The following NSMAF variants were observed in gnomAD, a reference collection of about 807,000 sequenced individuals.
NSMAF encodes the protein protein FAN.
In NSMAF, 90 loss-of-function variants were observed where a neutral mutation model predicts 134.9. The ratio of observed to expected loss-of-function variants is 0.67; its 90% CI spans 0.56 to 0.79. NSMAF has a LOEUF of 0.79. Ranked by LOEUF, NSMAF falls within the 30% of genes least tolerant of loss-of-function variation. The pLI is 0.00. For missense variants in NSMAF, 1,010 were observed against 1,119.0 expected (o/e 0.90, Z 1.39); for synonymous variants, 358 against 389.6 (o/e 0.92, Z 0.96).
At chr8:58,620,080 T>C (rs1046101489) in intron 9 of NSMAF, among the ~76,000 whole-genome samples, 31 of 152,096 alleles carry the variant, frequency 2.0e-4, no homozygotes, top group African/African-American at 7.5e-4. Flanking sequence ...AATACAGAAA[T>C]GTCATCTTTG....
intron 7 of NSMAF, 30 bp from the exon 8 acceptor site, chr8:58,623,454 T>G (rs1806839274): frequency 1.2e-6 from 2 of 1,603,316 alleles, no homozygotes; most frequent in Non-Finnish European, 8.5e-7. Flanking sequence ...CATGAATTTA[T>G]TTTTTCTCTC....
chr8:58,655,764 G>A (rs993257926), intron 1 of NSMAF, among the ~76,000 whole-genome samples: 1 of 151,666 alleles, frequency 6.6e-6, no homozygotes, highest in African/African-American at 2.4e-5. Flanking sequence ...AAAATTAGCC[G>A]GGCGCTGTGG....
intron 9 of NSMAF, among the ~76,000 whole-genome samples, chr8:58,621,184 G>A (rs1008053629): frequency 2.6e-5 from 4 of 152,088 alleles, no homozygotes; most frequent in African/African-American, 9.7e-5. Flanking sequence ...CTACTTATAA[G>A]TGAGAACATG....
At chr8:58,598,490 CAAAAAAAAAAA>C (rs71250204) in intron 19 of NSMAF, among the ~76,000 whole-genome samples, 8 of 125,952 alleles carry the variant, frequency 6.4e-5, no homozygotes, top group Non-Finnish European at 1.0e-4. Flanking sequence ...CTGTCTCAAA[CAAAAAAAAAAA>C]AAAAAAAAAA....
In NSMAF at chr8:58,597,396, C is replaced by T. The variant is rs148862871; in HGVS notation, c.1783G>A (p.Asp595Asn). ...QTSSYNASMA[D>N]SPGEESFEDL... ...TCTTTACAAAATTTACCTGGGGAAT[C>T]TGCCATAGAAGCATTATAACTGGAG... Residue 595 changes from aspartate (D) to asparagine (N), a missense_variant, in exon 21 of 31, where the codon GAT (aspartate) becomes AAT (asparagine). Coordinates refer to ENST00000038176, the MANE Select transcript of NSMAF (RefSeq NM_003580.4). 27 of 1,612,988 alleles carry T rather than the reference C, an allele frequency of 1.7e-5. No homozygotes were observed. The highest frequency in any genetic ancestry group is 2.0e-5 in the Non-Finnish European group (24 of 1,179,680).
intron 1 of NSMAF, among the ~76,000 whole-genome samples, chr8:58,657,049 T>G (rs886577963): frequency 1.3e-5 from 2 of 152,156 alleles, no homozygotes; most frequent in African/African-American, 4.8e-5. Flanking sequence ...GAATTCTTCC[T>G]TTATCACCTC....
At chr8:58,629,992 C>T (rs1445592464) in intron 6 of NSMAF, among the ~76,000 whole-genome samples, 1 of 152,166 alleles carries the variant, frequency 6.6e-6, no homozygotes, top group Non-Finnish European at 1.5e-5. Flanking sequence ...GTCCCTTGGG[C>T]AGCTCCCCTG....
rs1354918254 is a variant in NSMAF, at chr8:58,635,521, A to G, written c.175T>C (p.Cys59Arg). The change falls in exon 3 of 31, where the codon TGT becomes CGT. Residue 59 changes from cysteine (C) to arginine (R), a missense_variant. Physicochemically the swap from Cys to Arg is radical, Grantham distance 180 (BLOSUM62 -3). Coordinates refer to ENST00000038176, the MANE Select transcript of NSMAF (RefSeq NM_003580.4). Reference sequence around the variant, plus strand: ...GGTTCAAAAATCACCGATTTTGAACATATTTTTAAGGAGCCTCTGATTTTC... The same window carrying G: ...GGTTCAAAAATCACCGATTTTGAACGTATTTTTAAGGAGCCTCTGATTTTC... ...ERKIRGSLKI[C>R]SKSVIFEPDS... is the part of the protein sequence containing the mutation. The G allele has an allele frequency of 1.2e-6, 2 of 1,604,980 alleles. No homozygotes were observed. Among genetic ancestry groups the G allele is most frequent in the Admixed American group, 1.7e-5 (1 of 57,934 alleles).
chr8:58,635,930 A>G lies in NSMAF; in HGVS notation c.150-384T>C, dbSNP rs76262616. On this transcript the variant is annotated intron_variant, in intron 2 of 30. Coordinates refer to ENST00000038176, the MANE Select transcript of NSMAF (RefSeq NM_003580.4). ...TAACACTGCCTGTTCTTTTGTGAGC[A>G]GTAAATATTTACTTTGGCTTTCTAT... 6.3e-3 allele frequency among the ~76,000 whole-genome samples: 962 copies of G among 152,304 alleles called. 78 individuals are homozygous for G. The East Asian group carries it at 0.15, about 24-fold the overall frequency.
At chr8:58,584,584 C>G (rs1805843308) in intron 30 of NSMAF, among the ~76,000 whole-genome samples, 1 of 152,106 alleles carries the variant, frequency 6.6e-6, no homozygotes, top group African/African-American at 2.4e-5. Flanking sequence ...TCCTTTTCCA[C>G]TGGAAGGGGT....
At chr8:58,652,562 T>A (rs1807610154) in intron 1 of NSMAF, among the ~76,000 whole-genome samples, 1 of 152,178 alleles carries the variant, frequency 6.6e-6, no homozygotes, top group Non-Finnish European at 1.5e-5. Flanking sequence ...CCTACTGTAC[T>A]CTGGCCCCTG....
intron 9 of NSMAF, among the ~76,000 whole-genome samples, chr8:58,620,635 C>T (rs1481084300): frequency 6.6e-6 from 1 of 152,002 alleles, no homozygotes; most frequent in Non-Finnish European, 1.5e-5. Flanking sequence ...GTATAGTAAC[C>T]TTTGATATTG....
intron 1 of NSMAF, among the ~76,000 whole-genome samples, chr8:58,645,951 G>A (rs1370757456): frequency 6.6e-6 from 1 of 152,178 alleles, no homozygotes; most frequent in Non-Finnish European, 1.5e-5. Flanking sequence ...TGAGGCAGGA[G>A]AATTGCTTGA....
At chr8:58,626,743 T>C (rs751286648) in intron 6 of NSMAF, among the ~76,000 whole-genome samples, 2 of 152,238 alleles carry the variant, frequency 1.3e-5, no homozygotes, top group Non-Finnish European at 2.9e-5. Context: ...GATTGCTGGA[T>C]TGAAAGGTAG....
chr8:58,618,844 G>A (rs528523838), intron 9 of NSMAF, among the ~76,000 whole-genome samples: 1 of 152,206 alleles, frequency 6.6e-6, no homozygotes, highest in African/African-American at 2.4e-5. Flanking sequence ...GCTTATCTTA[G>A]CGGAAGTTTA....
At chr8:58,592,895 A>C (rs1372506320) in intron 23 of NSMAF, among the ~76,000 whole-genome samples, 2 of 118,998 alleles carry the variant, frequency 1.7e-5, no homozygotes, top group Admixed American at 7.4e-5. Flanking sequence ...TCAAAAAAAA[A>C]CAAAAACAAA....
intron 16 of NSMAF, 71 bp from the exon 17 acceptor site, chr8:58,600,092 G>A: frequency 8.8e-7 from 1 of 1,133,284 alleles, no homozygotes; most frequent in East Asian, 2.3e-5. Context: ...CTATGCACTT[G>A]GGGGCTGTTC....
chr8:58,590,429 T>C (rs1264632778), intron 24 of NSMAF, among the ~76,000 whole-genome samples: 1 of 152,220 alleles, frequency 6.6e-6, no homozygotes, highest in East Asian at 1.9e-4. Context: ...CAGACTTGTG[T>C]GGGTAAGAAA....
In NSMAF at chr8:58,618,174, C is replaced by T. The variant is rs1042760365; in HGVS notation, c.557+5046G>A. 8.6e-5 allele frequency among the ~76,000 whole-genome samples: 13 copies of T among 151,674 alleles called. No individual in the cohort carries two copies. The East Asian group carries it at 1.2e-3, about 14-fold the overall frequency. ...TGGGGCCTGTCGTGGGGTGGGGAGC[C>T]GGGGGAGGGATAGCATTAGGAGAAA... On this transcript the variant is annotated intron_variant, in intron 9 of 30. Coordinates refer to ENST00000038176, the MANE Select transcript of NSMAF (RefSeq NM_003580.4).
Sources: allele counts gnomAD v4.1 joint callset (sites outside exome capture counted in the v4.1 genomes callset), GRCh38; gene constraint gnomAD v4.1.1; transcripts MANE v1.5; gene names NCBI Gene and HGNC (gene_info 2026-07-23, HGNC 2026-07-21).